TMEM134: variants seen among roughly 807,000 people sequenced by gnomAD.
TMEM134 encodes transmembrane protein 134.
A neutral mutation model predicts 26.2 loss-of-function variants in TMEM134; 36 were observed. The observed-to-expected ratio is 1.37, with a 90% confidence interval of 1.05 to 1.81. TMEM134 has a LOEUF of 1.81. Among genes scored for constraint, TMEM134 ranks in the 40% most tolerant of loss-of-function variants. TMEM134 has a pLI of 0.00. For synonymous variants in TMEM134, 133 were observed against 113.6 expected (o/e 1.17, Z -1.08); for missense variants, 339 against 263.5 (o/e 1.29, Z -1.98).
intron 1 of TMEM134, among the ~76,000 whole-genome samples, chr11:67,468,584 G>A (rs1865433456): frequency 6.6e-6 from 1 of 152,238 alleles, no homozygotes; most frequent in Non-Finnish European, 1.5e-5. Flanking sequence ...GTGGTGGTGG[G>A]ATTAGGGAGA....
rs1337606877 is a variant in TMEM134, at chr11:67,464,219, C to G, written c.*395G>C. 3.3e-6 allele frequency: 1 copy of G among 307,178 alleles called. No homozygotes were observed. Among genetic ancestry groups the G allele is most frequent in the Non-Finnish European group, 6.2e-6 (1 of 160,124 alleles). 19.0% of individuals were successfully genotyped at this position (307,178 alleles called of 1,614,324 possible). A position where few individuals can be genotyped will look rare whatever the true frequency, so the allele number is the denominator to read the frequency against. ...AACATGCCCCGTGCCCTTGGGCAAG[C>G]CTCAGCATCAGGGCTGCCACGCGTT... On this transcript the variant is annotated 3_prime_UTR_variant, in exon 7 of 7. Transcript: ENST00000308022.
In TMEM134 at chr11:67,465,040, C is replaced by T. The variant is rs763483429; in HGVS notation, c.451+16G>A. The T allele has an allele frequency of 1.9e-6, 3 of 1,563,638 alleles. No homozygotes were observed. The highest frequency in any genetic ancestry group is 1.4e-5 in the African/African-American group (1 of 73,856). ...CAGGGGTGTCCTCTGCCTGTGGGGG[C>T]GGGAGGGTCGCTCACCTGGAGAGGG... On this transcript the variant is annotated intron_variant, in intron 5 of 6. Coordinates refer to ENST00000308022, the MANE Select transcript of TMEM134 (RefSeq NM_025124.4).
Position 67,464,672 on chromosome 11 carries a change from C to T in TMEM134, c.530G>A (p.Cys177Tyr), listed in dbSNP as rs746234919. ...GAAGCCCCGGTGGCCCTTGACCGCG[C>T]AGTAGATGAAGATCACGTGATAGAC... Reference protein sequence around the residue: ...PGVYHVIFIYCAVKGHRGFQF... With the variant: ...PGVYHVIFIYYAVKGHRGFQF... The change falls in exon 7 of 7, where the codon TGC (cysteine) becomes TAC (tyrosine). Residue 177 changes from cysteine to tyrosine, a missense_variant. Cys to Tyr is a radical substitution (Grantham distance 194). Coordinates refer to ENST00000308022, the MANE Select transcript of TMEM134 (RefSeq NM_025124.4). 6.4e-7 allele frequency: 1 copy of T among 1,553,888 alleles called. No individual in the cohort carries two copies. Among genetic ancestry groups the T allele is most frequent in the Non-Finnish European group, 8.7e-7 (1 of 1,148,186 alleles).
rs1409638483 is a variant in TMEM134, at chr11:67,463,053, ATAGCTAGTTGGGGGACCACTGGT to A, written c.*1538_*1560del. 6.6e-6 allele frequency: 1 copy of A among 152,200 alleles called. No homozygotes were observed. Among genetic ancestry groups the A allele is most frequent in the Non-Finnish European group, 1.5e-5 (1 of 68,050 alleles). The allele number at this position is 152,200 out of a possible 1,614,324, so 9.4% of individuals were successfully genotyped here. ...TAGAAATGAAAACTGGTCCTTTACC[ATAGCTAGTTGGGGGACCACTGGT>A]TTAGGAGTTCCTGCATCCAATGGGT... On this transcript the variant is annotated 3_prime_UTR_variant, in exon 7 of 7. Transcript: ENST00000308022.
chr11:67,467,931 G>T, intron 2 of TMEM134, 97 bp downstream of exon 2: 2 of 1,150,622 alleles, frequency 1.7e-6, no homozygotes, highest in African/African-American at 1.5e-5. Flanking sequence ...GGACGGGATG[G>T]AAGAGAGTGA....
chr11:67,467,534 C>A lies in TMEM134; in HGVS notation c.296G>T (p.Ser99Ile), dbSNP rs112823085. Reference sequence around the variant, plus strand: ...GGTGTTGTAGGAGCGCTGGGTGCTGCTGCTGATGGTGCTGAAGGACCACTG... The same window carrying A: ...GGTGTTGTAGGAGCGCTGGGTGCTGATGCTGATGGTGCTGAAGGACCACTG... ...SSQWSFSTISSSTQRSYNTCC... is the reference protein window; with the variant it reads ...SSQWSFSTISISTQRSYNTCC... The change falls in exon 3 of 7, where the codon AGC (serine) becomes ATC (isoleucine). Residue 99 changes from serine (S) to isoleucine (I), a missense_variant. Coordinates refer to ENST00000308022, the MANE Select transcript of TMEM134 (RefSeq NM_025124.4). 1 of 1,614,064 alleles carries A rather than the reference C, an allele frequency of 6.2e-7. No homozygotes were observed. Among genetic ancestry groups the A allele is most frequent in the Non-Finnish European group, 8.5e-7 (1 of 1,180,014 alleles).
intron 4 of TMEM134, chr11:67,465,420 T>G: frequency 2.7e-6 from 1 of 367,702 alleles, no homozygotes; most frequent in Admixed American, 4.6e-5. Flanking sequence ...GGCCCGTCCT[T>G]AGTGGAGGAA....
rs1865049202 is a variant in TMEM134 at position 67,462,529 on chromosome 11, A to T, written c.*2085T>A. 1 of 151,018 alleles carries T rather than the reference A, an allele frequency of 6.6e-6. No homozygotes were observed. The allele number at this position is 151,018 out of a possible 1,614,324, so 9.4% of individuals were successfully genotyped here. On this transcript the variant is annotated 3_prime_UTR_variant, in exon 7 of 7. Transcript: ENST00000308022. The stretch of plus-strand genomic sequence containing the variant: ...CCACCATGCCCGGTAATTTTTTTGT[A>T]TTTTTAATAGAAATGGGATTTCACC...
rs1218271478 is a variant in TMEM134, at chr11:67,467,540, AT to A, written c.289del (p.Ile97SerfsTer20). On this transcript the variant is annotated frameshift_variant, in exon 3 of 7. Transcript: ENST00000308022. LOFTEE classifies it high-confidence loss of function. ...GTAGGAGCGCTGGGTGCTGCTGCTG[AT>A]GGTGCTGAAGGACCACTGGGAGCTG... Reference protein sequence around the residue: ...IRSSQWSFSTISSSTQRSYNT... With the variant: ...IRSSQWSFSTXSSSTQRSYNT... 26 of 1,613,928 alleles carry A rather than the reference AT, an allele frequency of 1.6e-5. No individual in the cohort carries two copies. The highest frequency in any genetic ancestry group is 3.4e-6 in the Non-Finnish European group (4 of 1,180,014).
At position 67,465,111 on chromosome 11, in the gene TMEM134, A is replaced by T; in HGVS notation, c.407-11T>A. 6.4e-7 allele frequency: 1 copy of T among 1,574,282 alleles called. No individual in the cohort carries two copies. Among genetic ancestry groups the T allele is most frequent in the South Asian group, 1.1e-5 (1 of 87,132 alleles). On this transcript the variant is annotated splice_polypyrimidine_tract_variant and intron_variant, in intron 4 of 6. Coordinates refer to ENST00000308022, the MANE Select transcript of TMEM134 (RefSeq NM_025124.4). ...CGACCAGGATCAGCACTGCACACAG[A>T]CGGAGCCGCGGGGGTGGGGGCAGGA...
chr11:67,469,081 A>C lies in TMEM134; in HGVS notation c.112T>G (p.Phe38Val). 6.6e-7 allele frequency: 1 copy of C among 1,514,366 alleles called. No homozygotes were observed. The highest frequency in any genetic ancestry group is 8.8e-7 in the Non-Finnish European group (1 of 1,131,614). The allele number at this position is 1,514,366 out of a possible 1,614,324, so 93.8% of individuals were successfully genotyped here. A position where few individuals can be genotyped will look rare whatever the true frequency, so the allele number is the denominator to read the frequency against. ...SGVARFGPLHFERRARFEVAD... is the reference protein window; with the variant it reads ...SGVARFGPLHVERRARFEVAD... ...ACCTCGAACCGGGCCCGACGCTCGA[A>C]GTGCAGCGGCCCAAAGCGCGCGACC... The change falls in exon 1 of 7, where the codon TTC (phenylalanine) becomes GTC (valine). Residue 38 changes from phenylalanine (F) to valine (V), a missense_variant. Phe to Val is a conservative substitution (Grantham distance 50). Coordinates refer to ENST00000308022, the MANE Select transcript of TMEM134 (RefSeq NM_025124.4).
intron 4 of TMEM134, among the ~76,000 whole-genome samples, chr11:67,465,720 G>C (rs982710013): frequency 6.6e-6 from 1 of 151,848 alleles, no homozygotes; most frequent in Non-Finnish European, 1.5e-5. Context: ...GAGGCCAGGA[G>C]TTTGAAGCCA....
At position 67,463,163 on chromosome 11, in the gene TMEM134, GAGCGAGAGCA is replaced by G. The variant is rs1394858335; in HGVS notation, c.*1441_*1450del. ...AAGTCTGCGGGGCCTGGAAAGGTGG[GAGCGAGAGCA>G]AGAGTCTGGGTGTCCATTCCTCTAA... On this transcript the variant is annotated 3_prime_UTR_variant, in exon 7 of 7. Coordinates refer to ENST00000308022, the MANE Select transcript of TMEM134 (RefSeq NM_025124.4). 1 of 152,214 alleles carries G rather than the reference GAGCGAGAGCA, an allele frequency of 6.6e-6. No homozygotes were observed. The highest frequency in any genetic ancestry group is 1.5e-5 in the Non-Finnish European group (1 of 68,062). 9.4% of individuals were successfully genotyped at this position (152,214 alleles called of 1,614,324 possible).
At position 67,469,042 on chromosome 11, in the gene TMEM134, TG is replaced by T; in HGVS notation, c.150del (p.Asp50GlufsTer67). On this transcript the variant is annotated frameshift_variant, in exon 1 of 7. Coordinates refer to ENST00000308022, the MANE Select transcript of TMEM134 (RefSeq NM_025124.4). LOFTEE classifies it high-confidence loss of function. ...ACCTGGTAGCGCAGCCGGGACTGCT[TG>T]TCCTCGTCAGCCACCTCGAACCGGG... ...RRARFEVADE[D>X]KQSRLRYQNL... The T allele has an allele frequency of 6.6e-7, 1 of 1,514,002 alleles. No homozygotes were observed. Among genetic ancestry groups the T allele is most frequent in the Non-Finnish European group, 8.8e-7 (1 of 1,132,664 alleles). 93.8% of individuals were successfully genotyped at this position (1,514,002 alleles called of 1,614,324 possible). A position where few individuals can be genotyped will look rare whatever the true frequency, so the allele number is the denominator to read the frequency against.
At chr11:67,468,961 C>A in intron 1 of TMEM134, 58 bp downstream of exon 1, 1 of 1,395,180 alleles carries the variant, frequency 7.2e-7, no homozygotes, top group Non-Finnish European at 9.3e-7. Flanking sequence ...GCCTTTGGGG[C>A]CCGGCCTGGG....
At chr11:67,467,052 G>C in intron 4 of TMEM134, 1 of 568,536 alleles carries the variant, frequency 1.8e-6, no homozygotes. Flanking sequence ...GATTTAAACA[G>C]GTTAAATTTT....
rs1329873755 is a variant in TMEM134, at chr11:67,464,652, C to T, written c.550G>A (p.Gly184Ser). 6.4e-7 allele frequency: 1 copy of T among 1,553,842 alleles called. No homozygotes were observed. The highest frequency in any genetic ancestry group is 8.7e-7 in the Non-Finnish European group (1 of 1,148,094). Residue 184 changes from glycine to serine, a missense_variant, in exon 7 of 7, where the codon GGC becomes AGC. By Grantham distance (56) the Gly-to-Ser change is moderately conservative. Transcript: ENST00000308022. Reference protein sequence around the residue: ...FIYCAVKGHRGFQFFYLPYFE... With the variant: ...FIYCAVKGHRSFQFFYLPYFE... Reference sequence around the variant, plus strand: ...TAGGGCAGGTAGAAGAACTGGAAGCCCCGGTGGCCCTTGACCGCGCAGTAG... The same window carrying T: ...TAGGGCAGGTAGAAGAACTGGAAGCTCCGGTGGCCCTTGACCGCGCAGTAG...
Position 67,462,660 on chromosome 11 carries a change from GTTTT to G in TMEM134, c.*1950_*1953del, listed in dbSNP as rs1865053767. On this transcript the variant is annotated 3_prime_UTR_variant, in exon 7 of 7. Coordinates refer to ENST00000308022, the MANE Select transcript of TMEM134 (RefSeq NM_025124.4). ...GAGCCACCACGCCCAGCCTCTGTATGTTTTTTATTTCATTTTTCTAGTTTTTAAA... is the reference window on the plus strand; with the variant it reads ...GAGCCACCACGCCCAGCCTCTGTATGTTATTTCATTTTTCTAGTTTTTAAA... The G allele has an allele frequency of 6.6e-6, 1 of 150,382 alleles. No homozygotes were observed. Among genetic ancestry groups the G allele is most frequent in the South Asian group, 2.1e-4 (1 of 4,682 alleles). The allele number at this position is 150,382 out of a possible 1,614,324, so 9.3% of individuals were successfully genotyped here.
At position 67,464,736 on chromosome 11, in the gene TMEM134, C is replaced by T. The variant is rs781422844; in HGVS notation, c.506-40G>A. On this transcript the variant is annotated intron_variant, in intron 6 of 6. Transcript: ENST00000308022. ...CTGTCAGCGCAGAAGCCCCGCCCCT[C>T]CCCGCAACACCGCCCCCAGTGCCGC... 29 of 1,542,886 alleles carry T rather than the reference C, an allele frequency of 1.9e-5. No homozygotes were observed. In the South Asian group the frequency reaches 3.0e-4, roughly 16 times the overall value.
Sources: allele counts gnomAD v4.1 joint callset (sites outside exome capture counted in the v4.1 genomes callset), GRCh38; gene constraint gnomAD v4.1.1; transcripts MANE v1.5; gene names NCBI Gene and HGNC (gene_info 2026-07-23, HGNC 2026-07-21).